PBXIP1: variants seen among roughly 807,000 people sequenced by gnomAD.
PBXIP1 encodes pre-B-cell leukemia transcription factor-interacting protein 1.
In PBXIP1, 73 loss-of-function variants were observed where a neutral mutation model predicts 73.7. That is an observed-to-expected ratio of 0.99 (90% confidence interval 0.82 to 1.20). The LOEUF (loss-of-function observed/expected upper bound fraction) is 1.20, where lower values mean the gene tolerates loss of function less well. Ranked by LOEUF, PBXIP1 falls within the 50% of genes most tolerant of loss-of-function variation. The pLI is 0.00. For synonymous variants in PBXIP1, 330 were observed against 366.9 expected, an observed-to-expected ratio of 0.90 and a Z score of 1.15; for missense variants, 818 against 911.4, an observed-to-expected ratio of 0.90 and a Z score of 1.32.
intron 2 of PBXIP1, among the ~76,000 whole-genome samples, chr1:154,953,346 G>A (rs1292475309): frequency 1.3e-5 from 2 of 151,940 alleles, no homozygotes; most frequent in Non-Finnish European, 2.9e-5. Context: ...ATCACCCATG[G>A]GTGTCCCACA....
chr1:154,946,728 C>T lies in PBXIP1; in HGVS notation c.946G>A (p.Ala316Thr), dbSNP rs754014569. 4 of 1,604,582 alleles carry T rather than the reference C, an allele frequency of 2.5e-6. No individual in the cohort carries two copies. The highest frequency in any genetic ancestry group is 2.7e-5 in the African/African-American group (2 of 74,710). Residue 316 changes from alanine (A) to threonine (T), a missense_variant, in exon 10 of 11, where the codon GCT becomes ACT. Transcript: ENST00000368463. ...TGGAAGGCTTCGCCCTGCTGCAGAG[C>T]CCCCCGGAGCTGGGCATTCTCCTCC... is the stretch of plus-strand genomic sequence containing the variant. ...LEEENAQLRGALQQGEAFQRA... is the reference protein window; with the variant it reads ...LEEENAQLRGTLQQGEAFQRA...
intron 10 of PBXIP1, 43 bp from the exon 11 acceptor site, chr1:154,945,160 G>T: frequency 6.8e-7 from 1 of 1,472,048 alleles, no homozygotes; most frequent in South Asian, 1.1e-5. Flanking sequence ...ACCATGCAAT[G>T]AAAACGGGTT....
intron 2 of PBXIP1, among the ~76,000 whole-genome samples, chr1:154,952,680 T>C (rs924321478): frequency 6.6e-6 from 1 of 152,210 alleles, no homozygotes; most frequent in African/African-American, 2.4e-5. Flanking sequence ...GCAAAAATCA[T>C]GACGCCCGTT....
In PBXIP1 at chr1:154,947,919, T is replaced by C. The variant is rs970243906; in HGVS notation, c.667+63A>G. On this transcript the variant is annotated intron_variant, in intron 7 of 10. Transcript: ENST00000368463. ...TGTGAGCCCCCAGCACCCCTACTCC[T>C]GACCCACAGAACCAGAGAACACATA... 9 of 1,560,100 alleles carry C rather than the reference T, an allele frequency of 5.8e-6. No homozygotes were observed. The Admixed American group carries it at 1.5e-4, about 26-fold the overall frequency.
chr1:154,948,432 G>A, intron 5 of PBXIP1, 66 bp from the exon 6 acceptor site: 1 of 1,177,430 alleles, frequency 8.5e-7, no homozygotes, highest in Non-Finnish European at 1.2e-6. Flanking sequence ...AGGGAGAGAG[G>A]GGAATCAGAG....
Position 154,951,520 on chromosome 1 carries a change from G to T in PBXIP1, c.194C>A (p.Thr65Asn). ...TMDGEGTLFQTESPQSGSILT... is the reference protein window; with the variant it reads ...TMDGEGTLFQNESPQSGSILT... ...AATGCTGCCAGACTGAGGGCTTTCA[G>T]TCTGGAAGAGCGTCCCTGCGGTAGG... The change falls in exon 4 of 11, where the codon ACT (threonine) becomes AAT (asparagine). Residue 65 changes from threonine (T) to asparagine (N), a missense_variant. Transcript: ENST00000368463. This position sits in a 1 kb window ranked among gnomAD's most constrained non-coding sequence, Gnocchi z 4.3. The T allele has an allele frequency of 6.2e-7, 1 of 1,613,972 alleles. No homozygotes were observed. Among genetic ancestry groups the T allele is most frequent in the South Asian group, 1.1e-5 (1 of 91,086 alleles).
Position 154,947,981 on chromosome 1 carries a change from C to T in PBXIP1, c.667+1G>A. The T allele has an allele frequency of 6.2e-7, 1 of 1,613,694 alleles. No homozygotes were observed. On this transcript the variant is annotated splice_donor_variant, in intron 7 of 10. Coordinates refer to ENST00000368463, the MANE Select transcript of PBXIP1 (RefSeq NM_020524.4). LOFTEE classifies it high-confidence loss of function. ...CACAAGACAGGCTCCTCCCTACTCA[C>T]CAGTCTCAGACTCTGAGAGGCCACC...
Position 154,951,142 on chromosome 1 carries a change from G to A in PBXIP1, c.409+90C>T. ...ACCAAGCTGCTCAGCCCTAGGGCCT[G>A]GACCACAGCATGTGCTCAGTAGTGA... On this transcript the variant is annotated intron_variant, in intron 5 of 10. Transcript: ENST00000368463. This position sits in a 1 kb window ranked among gnomAD's most constrained non-coding sequence, Gnocchi z 4.3. 8 of 1,236,998 alleles carry A rather than the reference G, an allele frequency of 6.5e-6. No homozygotes were observed. Among genetic ancestry groups the A allele is most frequent in the Non-Finnish European group, 9.3e-6 (8 of 857,600 alleles). 76.6% of individuals were successfully genotyped at this position (1,236,998 alleles called of 1,614,324 possible).
At position 154,947,749 on chromosome 1, in the gene PBXIP1, C is replaced by T. The variant is rs182959681; in HGVS notation, c.668-37G>A. 3,633 of 1,588,182 alleles carry T rather than the reference C, an allele frequency of 2.3e-3. 18 individuals carry two copies. The highest frequency in any genetic ancestry group is 0.013 in the Middle Eastern group (77 of 5,996). On this transcript the variant is annotated intron_variant, in intron 7 of 10. Transcript: ENST00000368463. ...GGAAACCCTGAAACTGGTCCTGAGG[C>T]ACACAGAGCCCATTCTCCCCACACC...
rs773598973 is a variant in PBXIP1, at chr1:154,948,277, C to T, written c.499G>A (p.Ala167Thr). 1.9e-6 allele frequency: 3 copies of T among 1,609,816 alleles called. No homozygotes were observed. The highest frequency in any genetic ancestry group is 1.3e-5 in the African/African-American group (1 of 74,876). Residue 167 changes from alanine (A) to threonine (T), a missense_variant, in exon 6 of 11, where the codon GCC (alanine) becomes ACC (threonine). Physicochemically the swap from Ala to Thr is moderately conservative, Grantham distance 58. Coordinates refer to ENST00000368463, the MANE Select transcript of PBXIP1 (RefSeq NM_020524.4). The part of the protein sequence containing the change: ...EGLRRRRGRE[A>T]GPPQPMVPLA... ...GGCACCATGGGCTGAGGTGGGCCGG[C>T]CTCCCGGCCCCGCCGTCTCCGCAGA...
Position 154,944,353 on chromosome 1 carries a change from G to C in PBXIP1, c.*671C>G, listed in dbSNP as rs1336797918. 1 of 152,514 alleles carries C rather than the reference G, an allele frequency of 6.6e-6. No homozygotes were observed. The highest frequency in any genetic ancestry group is 2.4e-5 in the African/African-American group (1 of 41,428). 9.4% of individuals were successfully genotyped at this position (152,514 alleles called of 1,614,324 possible). ...AAGGGCAAAGGGGGATACAGAACAA[G>C]GGGGCAAGTACCAGTGCCTGGGATG... is the stretch of plus-strand genomic sequence containing the variant. On this transcript the variant is annotated 3_prime_UTR_variant, in exon 11 of 11. Transcript: ENST00000368463.
intron 1 of PBXIP1, among the ~76,000 whole-genome samples, chr1:154,954,390 T>A: frequency 6.6e-6 from 1 of 152,270 alleles, no homozygotes; most frequent in Admixed American, 6.5e-5. Context: ...GTGGGTCTTT[T>A]AAAAAACCAC....
In PBXIP1 at chr1:154,945,102, G is replaced by C; in HGVS notation, c.2118C>G (p.Asp706Glu). The change falls in exon 11 of 11, where the codon GAC (aspartate) becomes GAG (glutamate). Residue 706 changes from aspartate to glutamate, a missense_variant. Transcript: ENST00000368463. ...KALKKRSGKK[D>E]KHSQSPRAAG... ...CAGCTCTTGGGCTCTGTGAGTGCTT[G>C]TCCTTCTTCCCTGACCTGTGGGGAG... 6.2e-7 allele frequency: 1 copy of C among 1,613,890 alleles called. No homozygotes were observed. The highest frequency in any genetic ancestry group is 8.5e-7 in the Non-Finnish European group (1 of 1,179,752).
At chr1:154,948,425 G>A in intron 5 of PBXIP1, 59 bp from the exon 6 acceptor site, 1 of 1,244,046 alleles carries the variant, frequency 8.0e-7, no homozygotes, top group East Asian at 2.5e-5. Flanking sequence ...GAGACACAGG[G>A]AGAGAGGGGA....
chr1:154,948,147 AC>A lies in PBXIP1; in HGVS notation c.628del (p.Val210SerfsTer40). Reference protein sequence around the residue: ...LGALVLLGLGVLLFSGGLSES... With the variant: ...LGALVLLGLGXLLFSGGLSES... ...GTACCACTCACCTGAGAAGAGGAGG[AC>A]CCCCAGGCCAAGCAGAACCAGGGCC... On this transcript the variant is annotated frameshift_variant, in exon 6 of 11. Transcript: ENST00000368463. LOFTEE classifies it high-confidence loss of function. 1 of 1,581,882 alleles carries A rather than the reference AC, an allele frequency of 6.3e-7. No individual in the cohort carries two copies. Among genetic ancestry groups the A allele is most frequent in the Non-Finnish European group, 8.6e-7 (1 of 1,163,288 alleles).
chr1:154,954,610 T>C (rs1655118991), intron 1 of PBXIP1, among the ~76,000 whole-genome samples: 1 of 152,236 alleles, frequency 6.6e-6, no homozygotes, highest in Non-Finnish European at 1.5e-5. Context: ...TATACATCAC[T>C]TTATAGCTTG....
At chr1:154,955,630 T>C (rs1013386564) in intron 1 of PBXIP1, among the ~76,000 whole-genome samples, 1 of 152,148 alleles carries the variant, frequency 6.6e-6, no homozygotes, top group Non-Finnish European at 1.5e-5. Context: ...TTCCCTGCTG[T>C]GTTTCCAGAT....
chr1:154,945,919 G>C lies in PBXIP1; in HGVS notation c.1755C>G (p.Pro585=), dbSNP rs375178576. 5.6e-6 allele frequency: 9 copies of C among 1,614,192 alleles called. No individual in the cohort carries two copies. The highest frequency in any genetic ancestry group is 5.0e-5 in the Admixed American group (3 of 60,028). ...ACTCGTCCACACCTGAGCAGCCCTG[G>C]GGTGCCCGGTACTTGGGCCTCAACA... is the stretch of plus-strand genomic sequence containing the variant. ...AELLRPKYRA[P]QGCSGVDECA... The change falls in exon 10 of 11, where the codon CCC becomes CCG. Residue 585 remains proline (P), a synonymous_variant. Transcript: ENST00000368463.
Position 154,945,693 on chromosome 1 carries a change from C to T in PBXIP1, c.1981G>A (p.Asp661Asn), listed in dbSNP as rs750552286. 2 of 1,614,232 alleles carry T rather than the reference C, an allele frequency of 1.2e-6. No individual in the cohort carries two copies. The highest frequency in any genetic ancestry group is 2.2e-5 in the South Asian group (2 of 91,086). The change falls in exon 10 of 11, where the codon GAT becomes AAT. Residue 661 changes from aspartate (D) to asparagine (N), a missense_variant. By Grantham distance (23) the Asp-to-Asn change is conservative (BLOSUM62 1). Coordinates refer to ENST00000368463, the MANE Select transcript of PBXIP1 (RefSeq NM_020524.4). ...TCCTCCAAGCTGTCCTCCAGGGCAT[C>T]CACAAAATCCCGGAAGCGGAGGCGG... ...HDRLRFRDFV[D>N]ALEDSLEEVA...
Sources: gnomAD v4.1 joint callset for allele counts (sites outside exome capture counted in the v4.1 genomes callset) on GRCh38, gnomAD v4.1.1 for gene constraint, Gnocchi (gnomAD v3.1) non-coding constraint, MANE v1.5 for transcripts, NCBI Gene and HGNC (gene_info 2026-07-23, HGNC 2026-07-21) for gene names.